DAPK2: variants seen among roughly 807,000 people sequenced by gnomAD.
DAPK2 encodes the protein death associated protein kinase 2.
DAPK2 carries 35 observed loss-of-function variants against 44.1 expected under a neutral mutation model. The ratio of observed to expected loss-of-function variants is 0.79; its 90% CI spans 0.61 to 1.05. The LOEUF (loss-of-function observed/expected upper bound fraction) is 1.05. Among genes scored for constraint, DAPK2 ranks in the 50% least tolerant of loss-of-function variants. The probability of loss-of-function intolerance (pLI) is 0.00; values close to 1 mark genes in which losing one functional copy is unlikely to be tolerated. For missense variants in DAPK2, 453 were observed against 483.2 expected (o/e 0.94, Z 0.59); for synonymous variants, 174 against 182.6 (o/e 0.95, Z 0.38).
chr15:64,044,886 A>G (rs2080425017), upstream of DAPK2, among the ~76,000 whole-genome samples: 1 of 152,098 alleles, frequency 6.6e-6, no homozygotes. Context: ...ACACACCCCC[A>G]TTAGGAATCA....
At chr15:63,909,313 C>T (rs1484563524) in intron 10 of DAPK2, 1 of 149,930 alleles carries the variant, frequency 6.7e-6, no homozygotes, top group African/African-American at 2.5e-5. Flanking sequence ...GCTTCCTAAA[C>T]AAAAGGACCT....
exon 3 of DAPK2, chr15:63,971,465 C>A: frequency 6.2e-7 from 1 of 1,614,210 alleles, no homozygotes; most frequent in Non-Finnish European, 8.5e-7. Context: ...GAAGGTAGTT[C>A]ACCCCATCCA....
chr15:64,016,254 C>T (rs1171198605), intron 1 of DAPK2, among the ~76,000 whole-genome samples: 2 of 152,232 alleles, frequency 1.3e-5, no homozygotes, highest in East Asian at 3.8e-4. Flanking sequence ...CCACACCTGA[C>T]CCCCCTTATC....
chr15:64,045,588 G>T (rs1286100861), intron 1 of DAPK2, among the ~76,000 whole-genome samples: 1 of 152,190 alleles, frequency 6.6e-6, no homozygotes, highest in Non-Finnish European at 1.5e-5. Flanking sequence ...CCTCAACGAG[G>T]CTCACCTCTC....
intron 3 of DAPK2, among the ~76,000 whole-genome samples, chr15:63,946,133 C>T (rs1347834217): frequency 6.6e-6 from 1 of 152,262 alleles, no homozygotes; most frequent in Non-Finnish European, 1.5e-5. Context: ...CAGAAATACC[C>T]TTGTCAAAAC....
intron 3 of DAPK2, among the ~76,000 whole-genome samples, chr15:63,951,137 A>G (rs1048709611): frequency 6.6e-6 from 1 of 152,318 alleles, no homozygotes; most frequent in Non-Finnish European, 1.5e-5. Context: ...ATAAAATACC[A>G]TCAGACCTGA....
At chr15:63,986,830 G>A (rs527496045) in intron 1 of DAPK2, among the ~76,000 whole-genome samples, 35 of 148,858 alleles carry the variant, frequency 2.4e-4, no homozygotes, top group Non-Finnish European at 3.7e-4. Context: ...TTAAAAGCCC[G>A]CTGGGTAACT....
chr15:63,922,941 C>G, intron 8 of DAPK2: 1 of 1,535,900 alleles, frequency 6.5e-7, no homozygotes, highest in Non-Finnish European at 8.7e-7. Flanking sequence ...TGCAGATGGT[C>G]CAGTTTCCTG....
intron 3 of DAPK2, among the ~76,000 whole-genome samples, chr15:63,971,008 T>G (rs1338621073): frequency 6.6e-6 from 1 of 152,206 alleles, no homozygotes; most frequent in African/African-American, 2.4e-5. Flanking sequence ...TGATGGAGGC[T>G]GCACTATGAA....
At chr15:63,943,675 C>A (rs1048252380) in intron 3 of DAPK2, among the ~76,000 whole-genome samples, 2 of 151,470 alleles carry the variant, frequency 1.3e-5, no homozygotes, top group African/African-American at 4.9e-5. Flanking sequence ...GAGTTCAAGA[C>A]CAGCCTGGTC....
intron 1 of DAPK2, among the ~76,000 whole-genome samples, chr15:63,985,468 G>A (rs2078643877): frequency 6.6e-6 from 1 of 152,214 alleles, no homozygotes. Context: ...GGGTGGCTCT[G>A]AGTCTCAGTG....
rs187259720 is a variant in DAPK2, at chr15:63,948,611, G to A, written c.454-9250C>T. 2.2e-3 allele frequency among the ~76,000 whole-genome samples: 342 copies of A among 152,198 alleles called. 3 individuals are homozygous for A. Among genetic ancestry groups the A allele is most frequent in the African/African-American group, 7.9e-3 (328 of 41,514 alleles). On this transcript the variant is annotated intron_variant, in intron 3 of 10. Transcript: ENST00000261891. ...GGATCACAATTCAACACGAGATTTA[G>A]GTGGGGACACAGATCCAAACCATAT... is the stretch of plus-strand genomic sequence containing the variant.
intron 1 of DAPK2, among the ~76,000 whole-genome samples, chr15:64,033,293 GA>G (rs1445604039): frequency 2.4e-5 from 3 of 126,786 alleles, no homozygotes; most frequent in African/African-American, 5.8e-5. Context: ...AAGGGGGAAG[GA>G]AGGAAGGAAG....
At chr15:63,948,278 A>G (rs1366219297) in intron 3 of DAPK2, among the ~76,000 whole-genome samples, 3 of 73,016 alleles carry the variant, frequency 4.1e-5, no homozygotes, top group Admixed American at 1.6e-4. Context: ...CTCAAAAAAA[A>G]AAAAAAAAAA....
chr15:64,022,218 G>A (rs2079703845), intron 1 of DAPK2, among the ~76,000 whole-genome samples: 1 of 152,194 alleles, frequency 6.6e-6, no homozygotes, highest in African/African-American at 2.4e-5. Context: ...TGGCTACTGG[G>A]TGATCTCACA....
chr15:64,032,602 G>T (rs2080047985), intron 1 of DAPK2, among the ~76,000 whole-genome samples: 4 of 152,194 alleles, frequency 2.6e-5, no homozygotes, highest in Admixed American at 2.6e-4. Context: ...GTTGCAAAGA[G>T]CAGGAAGTCT....
chr15:63,981,980 T>C (rs1175768248), intron 2 of DAPK2, among the ~76,000 whole-genome samples: 2 of 152,200 alleles, frequency 1.3e-5, no homozygotes, highest in Non-Finnish European at 2.9e-5. Flanking sequence ...TACCAGAGCA[T>C]AGTTCTCAAA....
exon 1 of DAPK2, chr15:64,040,186 C>T (rs1384502271): frequency 1.6e-5 from 26 of 1,613,828 alleles, no homozygotes; most frequent in East Asian, 6.7e-5. Flanking sequence ...AGCTCCTCTC[C>T]GATGTCATAA....
intron 1 of DAPK2, among the ~76,000 whole-genome samples, chr15:64,028,684 G>C (rs11637846): frequency 0.11 from 17,205 of 152,110 alleles, 1,315 homozygotes; most frequent in South Asian, 0.35. Context: ...AAGTATTAAG[G>C]GGTGAAGAGG....
Sources: gnomAD v4.1 joint callset for allele counts (sites outside exome capture counted in the v4.1 genomes callset) on GRCh38, gnomAD v4.1.1 for gene constraint, MANE v1.5 for transcripts, NCBI Gene and HGNC (gene_info 2026-07-23, HGNC 2026-07-21) for gene names.